The following AUTS2 variants were observed in gnomAD, a reference collection of about 807,000 sequenced individuals.
The protein encoded by AUTS2 is activator of transcription and developmental regulator AUTS2.
In AUTS2, 17 loss-of-function variants were observed where a neutral mutation model predicts 112.4. The observed-to-expected ratio is 0.15, with a 90% CI of 0.10 to 0.23. The LOEUF (loss-of-function observed/expected upper bound fraction) is 0.23, where lower values mean the gene tolerates loss of function less well. AUTS2 is among the 10% of genes least tolerant of loss of function. AUTS2 has a pLI of 1.00. For synonymous variants in AUTS2, 751 were observed against 702.7 expected (o/e 1.07, Z -1.09); for missense variants, 1,510 against 1,701.6 (o/e 0.89, Z 1.98).
At chr7:70,651,799 G>A (rs1182296211) in intron 5 of AUTS2, among the ~76,000 whole-genome samples, 1 of 152,152 alleles carries the variant, frequency 6.6e-6, no homozygotes, top group South Asian at 2.1e-4. Context: ...ATAAAAGGTA[G>A]GGAAAGTTTT....
intron 2 of AUTS2, among the ~76,000 whole-genome samples, chr7:70,029,404 GTTCACCTGTTTT>G (rs770457283): frequency 2.6e-5 from 4 of 151,450 alleles, no homozygotes; most frequent in Admixed American, 2.0e-4. Context: ...GATTTCAGAT[GTTCACCTGTTTT>G]TCTTTGAGCT....
At chr7:69,886,637 G>A (rs1794283322) in intron 1 of AUTS2, among the ~76,000 whole-genome samples, 1 of 152,010 alleles carries the variant, frequency 6.6e-6, no homozygotes, top group South Asian at 2.1e-4. Context: ...TTTCCTAAAT[G>A]GGCCACTCTG....
At chr7:70,725,788 T>C (rs1215225612) in intron 6 of AUTS2, among the ~76,000 whole-genome samples, 1 of 152,196 alleles carries the variant, frequency 6.6e-6, no homozygotes, top group African/African-American at 2.4e-5. Flanking sequence ...TGGCCAAATG[T>C]AATAAAAATA....
At chr7:69,785,068 G>A (rs548166783) in intron 1 of AUTS2, among the ~76,000 whole-genome samples, 3 of 152,104 alleles carry the variant, frequency 2.0e-5, no homozygotes, top group African/African-American at 7.2e-5. Context: ...GGGATAGGGA[G>A]CTATTTTAGT....
intron 4 of AUTS2, among the ~76,000 whole-genome samples, chr7:70,159,344 C>T (rs561928881): frequency 1.3e-3 from 202 of 152,256 alleles, no homozygotes; most frequent in Non-Finnish European, 2.5e-3. Context: ...CAGTGTGAAA[C>T]GCAGTGTGAA....
At chr7:69,989,175 C>G (rs1209288362) in intron 2 of AUTS2, among the ~76,000 whole-genome samples, 1 of 152,084 alleles carries the variant, frequency 6.6e-6, no homozygotes, top group African/African-American at 2.4e-5. Flanking sequence ...AATTTGGTAA[C>G]TCTTGTAATT....
chr7:70,614,314 C>G (rs1191263543), intron 5 of AUTS2, among the ~76,000 whole-genome samples: 1 of 151,970 alleles, frequency 6.6e-6, no homozygotes, highest in Non-Finnish European at 1.5e-5. Context: ...AAGTGGGGAC[C>G]AACATCATTT....
rs550311740 is a variant in AUTS2 at position 70,312,413 on chromosome 7, T to G, written c.661-123339T>G. 5.3e-5 allele frequency among the ~76,000 whole-genome samples: 8 copies of G among 152,354 alleles called. No homozygotes were observed. The East Asian group carries it at 1.5e-3, about 29-fold the overall frequency. ...TAAGTAAAAAGAACTTTTGCTTCCA[T>G]TTTAATAATAGAATTTGTGTGTATA... On this transcript the variant is annotated intron_variant, in intron 4 of 18. Transcript: ENST00000342771.
chr7:69,659,589 T>G (rs1000222859), intron 1 of AUTS2, among the ~76,000 whole-genome samples: 4 of 144,174 alleles, frequency 2.8e-5, no homozygotes, highest in African/African-American at 5.1e-5. Flanking sequence ...AGTTGTTTTT[T>G]TTTTTTTTTT....
intron 1 of AUTS2, among the ~76,000 whole-genome samples, chr7:69,866,633 G>A (rs1374457362): frequency 3.9e-5 from 6 of 152,108 alleles, no homozygotes; most frequent in Non-Finnish European, 8.8e-5. Context: ...AAATCACAGA[G>A]CAAGCAAAGT....
At chr7:69,932,929 A>G (rs1436611337) in intron 2 of AUTS2, among the ~76,000 whole-genome samples, 3 of 152,232 alleles carry the variant, frequency 2.0e-5, no homozygotes, top group Admixed American at 6.5e-5. Context: ...AGATTGGTCT[A>G]TAATAACTCC....
At chr7:70,248,886 T>C (rs1336016591) in intron 4 of AUTS2, among the ~76,000 whole-genome samples, 1 of 152,230 alleles carries the variant, frequency 6.6e-6, no homozygotes, top group Admixed American at 6.5e-5. Flanking sequence ...ACCCAGCAGA[T>C]GATATTGTTC....
At chr7:69,867,836 C>T (rs750553840) in intron 1 of AUTS2, among the ~76,000 whole-genome samples, 1 of 152,110 alleles carries the variant, frequency 6.6e-6, no homozygotes, top group Admixed American at 6.6e-5. Flanking sequence ...GAAATAGGCG[C>T]AGTGCCAGAA....
chr7:70,106,154 T>TG (rs1562698730), intron 2 of AUTS2, among the ~76,000 whole-genome samples: 1 of 152,222 alleles, frequency 6.6e-6, no homozygotes, highest in Non-Finnish European at 1.5e-5. Context: ...TTATACATCT[T>TG]CTGGAGCTGA....
chr7:70,276,881 A>T (rs1444922308), intron 4 of AUTS2, among the ~76,000 whole-genome samples: 1 of 152,156 alleles, frequency 6.6e-6, no homozygotes, highest in Non-Finnish European at 1.5e-5. Flanking sequence ...AGTTTATCAG[A>T]CTGAGGAGTA....
At chr7:70,653,737 A>G (rs573577352) in intron 5 of AUTS2, among the ~76,000 whole-genome samples, 2 of 152,356 alleles carry the variant, frequency 1.3e-5, no homozygotes, top group South Asian at 2.1e-4. Flanking sequence ...GAATGACTAA[A>G]TAAATCTTGA....
At chr7:70,643,873 T>A (rs1478373845) in intron 5 of AUTS2, among the ~76,000 whole-genome samples, 7 of 152,214 alleles carry the variant, frequency 4.6e-5, no homozygotes, top group Non-Finnish European at 1.0e-4. Flanking sequence ...TGCTGAGTGC[T>A]ATGTATTTTA....
intron 1 of AUTS2, among the ~76,000 whole-genome samples, chr7:69,880,004 GAACT>G (rs1167731819): frequency 2.0e-5 from 3 of 152,144 alleles, no homozygotes; most frequent in Non-Finnish European, 4.4e-5. Context: ...CTGCTACAAA[GAACT>G]AACTGAGACT....
intron 2 of AUTS2, among the ~76,000 whole-genome samples, chr7:70,030,986 T>G (rs528856072): frequency 1.3e-5 from 2 of 152,246 alleles, no homozygotes; most frequent in East Asian, 3.9e-4. Flanking sequence ...TGTAAAACTA[T>G]CTTTTAGGAG....
Sources: allele counts gnomAD v4.1 joint callset (sites outside exome capture counted in the v4.1 genomes callset), GRCh38; gene constraint gnomAD v4.1.1; transcripts MANE v1.5; gene names NCBI Gene and HGNC (gene_info 2026-07-23, HGNC 2026-07-21).